ARAP1: variants seen among roughly 807,000 people sequenced by gnomAD.
ARAP1 encodes arf-GAP with Rho-GAP domain, ANK repeat and PH domain-containing protein 1.
A neutral mutation model predicts 172.2 loss-of-function variants in ARAP1; 76 were observed. That is an observed-to-expected ratio of 0.44 (90% confidence interval 0.37 to 0.53). The LOEUF is 0.53. ARAP1 is among the 20% of genes least tolerant of loss of function. ARAP1 has a pLI of 0.00. For synonymous variants in ARAP1, 804 were observed against 803.3 expected, an observed-to-expected ratio of 1.00 and a Z score of -0.01; for missense variants, 1,686 against 1,977.5, an observed-to-expected ratio of 0.85 and a Z score of 2.80.
rs576893580 is a variant in ARAP1 at position 72,685,598 on chromosome 11, A to G, written c.*66T>C. 9.8e-5 allele frequency: 158 copies of G among 1,609,444 alleles called. No individual in the cohort carries two copies. In the African/African-American group the frequency reaches 1.9e-3, roughly 19 times the overall value. ...GCTGGCTCACATCAGGCCTTGGAGC[A>G]TAAGGGGTGTCTGAACAGAAGGCTT... On this transcript the variant is annotated 3_prime_UTR_variant, in exon 35 of 35. Transcript: ENST00000393609.
rs367854727 is a variant in ARAP1, at chr11:72,696,990, C to A, written c.3159G>T (p.Glu1053Asp). Residue 1053 changes from glutamate (E) to aspartate (D), a missense_variant, in exon 22 of 35, where the codon GAG becomes GAT. Coordinates refer to ENST00000393609, the MANE Select transcript of ARAP1 (RefSeq NM_001040118.3). The part of the protein sequence containing the change: ...FTRAQRLTWL[E>D]ASEIEDEEEK... ...ACGGGCTGCAGGGCCCACCTGAGGC[C>A]TCCAGCCAGGTTAGGCGCTGGGCGC... 3 of 1,604,982 alleles carry A rather than the reference C, an allele frequency of 1.9e-6. No individual in the cohort carries two copies. Among genetic ancestry groups the A allele is most frequent in the African/African-American group, 2.7e-5 (2 of 74,932 alleles).
intron 14 of ARAP1, chr11:72,703,380 T>A: frequency 5.0e-6 from 1 of 198,338 alleles, no homozygotes; most frequent in Non-Finnish European, 9.8e-6. Flanking sequence ...CCAGAGGATC[T>A]CAAGCTCCTT....
chr11:72,685,322 A>G lies in ARAP1; in HGVS notation c.*342T>C, dbSNP rs1591161175. 5.5e-6 allele frequency: 2 copies of G among 364,846 alleles called. No homozygotes were observed. Among genetic ancestry groups the G allele is most frequent in the Non-Finnish European group, 1.0e-5 (2 of 196,700 alleles). The allele number at this position is 364,846 out of a possible 1,614,324, so 22.6% of individuals were successfully genotyped here. On this transcript the variant is annotated 3_prime_UTR_variant, in exon 35 of 35. Transcript: ENST00000393609. Reference sequence around the variant, plus strand: ...GGGGGCTCCCTTCCGGCAGGGCCCCAGGGCCTCACGCCTCTGAAAGGGTGG... The same window carrying G: ...GGGGGCTCCCTTCCGGCAGGGCCCCGGGGCCTCACGCCTCTGAAAGGGTGG...
intron 30 of ARAP1, 69 bp downstream of exon 30, chr11:72,692,684 T>C (rs1855989139): frequency 6.3e-7 from 1 of 1,594,610 alleles, no homozygotes; most frequent in South Asian, 1.1e-5. Flanking sequence ...TGTCTCCCCA[T>C]GCTCCCACCC....
At position 72,696,978 on chromosome 11, in the gene ARAP1, C is replaced by A. The variant is rs1485054908; in HGVS notation, c.3166+5G>T. ...AGGAGGCTGGGCACGGGCTGCAGGG[C>A]CCACCTGAGGCCTCCAGCCAGGTTA... is the stretch of plus-strand genomic sequence containing the variant. On this transcript the variant is annotated splice_donor_5th_base_variant and intron_variant, in intron 22 of 34. Transcript: ENST00000393609. 1.9e-6 allele frequency: 3 copies of A among 1,601,068 alleles called. No homozygotes were observed. The Admixed American group carries it at 5.0e-5, about 27-fold the overall frequency.
In ARAP1 at chr11:72,698,141, C is replaced by T. The variant is rs910658716; in HGVS notation, c.2542-35G>A. 1.9e-6 allele frequency: 3 copies of T among 1,545,272 alleles called. No individual in the cohort carries two copies. In the African/African-American group the frequency reaches 4.1e-5, roughly 21 times the overall value. Reference sequence around the variant, plus strand: ...AGGCGCCGGGGGAGACAGCATCAGCCAACGGCACTGCCTGCCCCAATGCCC... The same window carrying T: ...AGGCGCCGGGGGAGACAGCATCAGCTAACGGCACTGCCTGCCCCAATGCCC... On this transcript the variant is annotated intron_variant, in intron 18 of 34. Coordinates refer to ENST00000393609, the MANE Select transcript of ARAP1 (RefSeq NM_001040118.3).
Position 72,741,758 on chromosome 11 carries a change from A to AT in ARAP1, c.-127-9162dup, listed in dbSNP as rs1396087680. 1.3e-5 allele frequency among the ~76,000 whole-genome samples: 2 copies of AT among 152,066 alleles called. No individual in the cohort carries two copies. Among genetic ancestry groups the AT allele is most frequent in the South Asian group, 2.1e-4 (1 of 4,826 alleles). On this transcript the variant is annotated intron_variant, in intron 1 of 34. Coordinates refer to ENST00000393609, the MANE Select transcript of ARAP1 (RefSeq NM_001040118.3). This position sits in a 1 kb window ranked among gnomAD's most constrained non-coding sequence, Gnocchi z 4.5. ...AGACCCAGTGACACCAGCACTCAAGATACAGACCCTCACCACGTGCCCTGG... is the reference window on the plus strand; with the variant it reads ...AGACCCAGTGACACCAGCACTCAAGATTACAGACCCTCACCACGTGCCCTGG...
At position 72,695,729 on chromosome 11, in the gene ARAP1, C is replaced by T; in HGVS notation, c.3409G>A (p.Val1137Met). The T allele has an allele frequency of 6.2e-7, 1 of 1,614,180 alleles. No homozygotes were observed. Among genetic ancestry groups the T allele is most frequent in the African/African-American group, 1.3e-5 (1 of 75,062 alleles). The change falls in exon 24 of 35, where the codon GTG becomes ATG. Residue 1137 changes from valine to methionine, a missense_variant. Coordinates refer to ENST00000393609, the MANE Select transcript of ARAP1 (RefSeq NM_001040118.3). This position sits in a 1 kb window ranked among gnomAD's most constrained non-coding sequence, Gnocchi z 4.4. ...GGCCAGGGACGCACACTAAACACCA[C>T]CACATAGTGGTTAATGAGGTCTTCC... is the stretch of plus-strand genomic sequence containing the variant. Reference protein sequence around the residue: ...VVEDLINHYVVVFSVDEEELR... With the variant: ...VVEDLINHYVMVFSVDEEELR...
Position 72,726,891 on chromosome 11 carries a change from G to T in ARAP1, c.238C>A (p.Arg80=). ...SPAPAPRPTP[R]PVPMKRHIFR... ...ATGTGGCGCTTCATGGGCACAGGCCGTGGGGTGGGGCGGGGTGCAGGGGCC... is the reference window on the plus strand; with the variant it reads ...ATGTGGCGCTTCATGGGCACAGGCCTTGGGGTGGGGCGGGGTGCAGGGGCC... The change falls in exon 3 of 35, where the codon CGG becomes AGG. Residue 80 remains arginine, a synonymous_variant. Coordinates refer to ENST00000393609, the MANE Select transcript of ARAP1 (RefSeq NM_001040118.3). The surrounding 1 kb of genome is among the most constrained non-coding windows in gnomAD (Gnocchi z 6.5). 6.3e-7 allele frequency: 1 copy of T among 1,581,052 alleles called. No individual in the cohort carries two copies. The highest frequency in any genetic ancestry group is 8.6e-7 in the Non-Finnish European group (1 of 1,163,422).
intron 4 of ARAP1, 69 bp downstream of exon 4, chr11:72,714,083 T>C (rs1240022869): frequency 2.2e-5 from 30 of 1,374,144 alleles, no homozygotes; most frequent in Non-Finnish European, 4.7e-6. Flanking sequence ...TTGCATACCT[T>C]CCAGAGGCCT....
intron 11 of ARAP1, among the ~76,000 whole-genome samples, chr11:72,708,905 C>T (rs921749091): frequency 2.0e-5 from 3 of 152,202 alleles, no homozygotes; most frequent in Middle Eastern, 3.4e-3. Flanking sequence ...GGCGTGGTAG[C>T]GTGCACCTGT....
chr11:72,695,637 G>C lies in ARAP1; in HGVS notation c.3421-9C>G. 1.2e-6 allele frequency: 2 copies of C among 1,614,040 alleles called. No individual in the cohort carries two copies. Among genetic ancestry groups the C allele is most frequent in the Non-Finnish European group, 8.5e-7 (1 of 1,179,994 alleles). On this transcript the variant is annotated splice_polypyrimidine_tract_variant and intron_variant, in intron 24 of 34. Transcript: ENST00000393609. The surrounding 1 kb of genome is among the most constrained non-coding windows in gnomAD (Gnocchi z 4.4). ...AGCTCTTCCTCATCCACCTGGGAAGGGGCGAGAGGCAGGGACAGGTGGTCA... is the reference window on the plus strand; with the variant it reads ...AGCTCTTCCTCATCCACCTGGGAAGCGGCGAGAGGCAGGGACAGGTGGTCA...
rs1023962736 is a variant in ARAP1, at chr11:72,713,229, C to T, written c.694G>A (p.Asp232Asn). The T allele has an allele frequency of 8.1e-6, 13 of 1,613,356 alleles. No individual in the cohort carries two copies. The highest frequency in any genetic ancestry group is 2.2e-5 in the East Asian group (1 of 44,872). ...LFPEFDDSDY[D>N]EVPEEGPGAP... ...CCCGGCCCCTCCTCTGGGACCTCATCGTAGTCAGAGTCATCTGGTGAGAGA... is the reference window on the plus strand; with the variant it reads ...CCCGGCCCCTCCTCTGGGACCTCATTGTAGTCAGAGTCATCTGGTGAGAGA... Residue 232 changes from aspartate to asparagine, a missense_variant, in exon 5 of 35, where the codon GAT becomes AAT. Physicochemically the swap from Asp to Asn is conservative, Grantham distance 23 (BLOSUM62 1). Around this residue, in one of 5 missense-constraint regions of ARAP1, gnomAD observed 155 missense variants for 129.2 expected, o/e 1.20. Coordinates refer to ENST00000393609, the MANE Select transcript of ARAP1 (RefSeq NM_001040118.3).
At chr11:72,686,481 C>T (rs1031526430) in intron 33 of ARAP1, among the ~76,000 whole-genome samples, 2 of 152,156 alleles carry the variant, frequency 1.3e-5, no homozygotes, top group South Asian at 2.1e-4. Context: ...TCTTAGGAAT[C>T]GGGAACTACA....
In ARAP1 at chr11:72,699,916, A is replaced by G. The variant is rs542167924; in HGVS notation, c.2303-364T>C. ...CCGTCTCTCCAGCTGCCTCTCTGTC[A>G]CTCCTGGACACACACATCCCTACCC... On this transcript the variant is annotated intron_variant, in intron 16 of 34. Transcript: ENST00000393609. This position sits in a 1 kb window ranked among gnomAD's most constrained non-coding sequence, Gnocchi z 4.2. The G allele has an allele frequency of 1.0e-5, 3 of 291,568 alleles. No individual in the cohort carries two copies. Among genetic ancestry groups the G allele is most frequent in the South Asian group, 8.3e-5 (2 of 24,190 alleles). The allele number at this position is 291,568 out of a possible 1,614,324, so 18.1% of individuals were successfully genotyped here.
In ARAP1 at chr11:72,696,702, C is replaced by A. The variant is rs747271290; in HGVS notation, c.3167-48G>T. ...GTCAGAAACCCCCTGTAACTATCTT[C>A]CCCCCACCCCGCCTGGGCTGCTGTG... is the stretch of plus-strand genomic sequence containing the variant. On this transcript the variant is annotated intron_variant, in intron 22 of 34. Transcript: ENST00000393609. The A allele has an allele frequency of 4.8e-6, 7 of 1,471,154 alleles. No homozygotes were observed. In the Admixed American group the frequency reaches 1.0e-4, roughly 22 times the overall value. The allele number at this position is 1,471,154 out of a possible 1,614,324, so 91.1% of individuals were successfully genotyped here.
chr11:72,736,375 G>A (rs541286073), intron 1 of ARAP1, among the ~76,000 whole-genome samples: 38 of 151,566 alleles, frequency 2.5e-4, no homozygotes, highest in African/African-American at 7.5e-4. Context: ...CCCCAGTAGC[G>A]GGGACCACAG....
In ARAP1 at chr11:72,698,659, G is replaced by A. The variant is rs564884138; in HGVS notation, c.2541+346C>T. On this transcript the variant is annotated intron_variant, in intron 18 of 34. Transcript: ENST00000393609. Reference sequence around the variant, plus strand: ...GTGGCCTCCCTGCCTCTTCCCTCCAGCCTCTGCTTGCTCGCCTCCAGGAAC... The same window carrying A: ...GTGGCCTCCCTGCCTCTTCCCTCCAACCTCTGCTTGCTCGCCTCCAGGAAC... 8.9e-4 allele frequency among the ~76,000 whole-genome samples: 136 copies of A among 152,146 alleles called. 2 individuals are homozygous for A. The highest frequency in any genetic ancestry group is 3.4e-4 in the Non-Finnish European group (23 of 68,024).
Position 72,688,494 on chromosome 11 carries a change from A to T in ARAP1, c.4031T>A (p.Val1344Asp). 1 of 1,612,742 alleles carries T rather than the reference A, an allele frequency of 6.2e-7. No individual in the cohort carries two copies. The highest frequency in any genetic ancestry group is 1.7e-5 in the Admixed American group (1 of 59,882). The change falls in exon 31 of 35, where the codon GTC becomes GAC. Residue 1344 changes from valine (V) to aspartate (D), a missense_variant. Physicochemically the swap from Val to Asp is radical, Grantham distance 152. This residue lies in a region of ARAP1 where 379 missense variants were observed against 500.1 expected (regional missense o/e 0.76). Coordinates refer to ENST00000393609, the MANE Select transcript of ARAP1 (RefSeq NM_001040118.3). ...GAGTTTCTTCTTCACTCCCAGGTAG[A>T]CTTTGAGACTCTTAATAGGCCACTC... is the stretch of plus-strand genomic sequence containing the variant. ...EKEWPIKSLKVYLGVKKKLRP... is the reference protein window; with the variant it reads ...EKEWPIKSLKDYLGVKKKLRP...
Sources: gnomAD v4.1 joint callset for allele counts (sites outside exome capture counted in the v4.1 genomes callset) on GRCh38, gnomAD v4.1.1 for gene constraint, gnomAD v4.1.1 regional missense constraint, Gnocchi (gnomAD v3.1) non-coding constraint, MANE v1.5 for transcripts, NCBI Gene and HGNC (gene_info 2026-07-23, HGNC 2026-07-21) for gene names.